TMC1: variants seen among roughly 807,000 people sequenced by gnomAD.
TMC1 encodes transmembrane channel like 1, also known as transmembrane channel-like protein 1.
TMC1 carries 84 observed loss-of-function variants against 105.8 expected under a neutral mutation model. That is an observed-to-expected ratio of 0.79 (90% CI 0.67 to 0.95). The LOEUF is 0.95. Ranked by LOEUF, TMC1 falls within the 40% of genes least tolerant of loss-of-function variation. The pLI is 0.00. For missense variants in TMC1, 817 were observed against 914.1 expected, an observed-to-expected ratio of 0.89 and a Z score of 1.37; for synonymous variants, 315 against 311.5, an observed-to-expected ratio of 1.01 and a Z score of -0.12.
rs1302396616 is a variant in TMC1, at chr9:72,820,964, C to A, written c.1886C>A (p.Ala629Asp). 1 of 1,614,182 alleles carries A rather than the reference C, an allele frequency of 6.2e-7. No individual in the cohort carries two copies. The highest frequency in any genetic ancestry group is 8.5e-7 in the Non-Finnish European group (1 of 1,180,034). The stretch of plus-strand genomic sequence containing the variant: ...GTTCCTGAGGCCAGGGTCTTCAAAG[C>A]TTCCAGATCAAATAACTTCTACCTG... ...CNVPEARVFK[A>D]SRSNNFYLGM... Residue 629 changes from alanine (A) to aspartate (D), a missense_variant, in exon 20 of 24, where the codon GCT becomes GAT. Transcript: ENST00000297784.
chr9:72,617,024 T>C (rs1438946026), intron 3 of TMC1, among the ~76,000 whole-genome samples: 1 of 152,238 alleles, frequency 6.6e-6, no homozygotes, highest in African/African-American at 2.4e-5. Flanking sequence ...TTTTGTATTA[T>C]GTATTTAAGC....
chr9:72,572,199 T>C (rs1373344448), intron 1 of TMC1, among the ~76,000 whole-genome samples: 1 of 151,644 alleles, frequency 6.6e-6, no homozygotes, highest in East Asian at 1.9e-4. Flanking sequence ...CTTTATTTTT[T>C]GATTTTTTTT....
intron 1 of TMC1, among the ~76,000 whole-genome samples, chr9:72,546,718 T>C (rs1227561761): frequency 6.6e-6 from 1 of 152,230 alleles, no homozygotes; most frequent in Non-Finnish European, 1.5e-5. Context: ...TTCTATCTCT[T>C]TGGAAGTTTG....
At chr9:72,548,800 A>G (rs150746624) in intron 1 of TMC1, among the ~76,000 whole-genome samples, 41 of 152,328 alleles carry the variant, frequency 2.7e-4, no homozygotes, top group East Asian at 2.1e-3. Flanking sequence ...AACCTGGGCA[A>G]CATAGTGAGA....
intron 17 of TMC1, among the ~76,000 whole-genome samples, chr9:72,798,010 A>G (rs1425455503): frequency 1.3e-5 from 2 of 152,206 alleles, no homozygotes; most frequent in Non-Finnish European, 2.9e-5. Flanking sequence ...AGGAAATTAA[A>G]CAAATTTACA....
intron 9 of TMC1, among the ~76,000 whole-genome samples, chr9:72,740,708 T>G (rs990713891): frequency 6.6e-6 from 1 of 152,198 alleles, no homozygotes; most frequent in East Asian, 1.9e-4. Context: ...CTGAATTGAA[T>G]TCTTTTATAA....
intron 7 of TMC1, among the ~76,000 whole-genome samples, chr9:72,699,655 A>G (rs2117862805): frequency 6.6e-6 from 1 of 152,266 alleles, no homozygotes; most frequent in East Asian, 1.9e-4. Context: ...TTGAGGCTCT[A>G]GACATAAAAG....
chr9:72,613,438 G>A lies in TMC1; in HGVS notation c.-305-2930G>A, dbSNP rs185125610. ...ACTGCTCCCAGCCCAGAAATTGATGGTTTCTTTAGCAATTTTGTCACCCAT... is the reference window on the plus strand; with the variant it reads ...ACTGCTCCCAGCCCAGAAATTGATGATTTCTTTAGCAATTTTGTCACCCAT... On this transcript the variant is annotated intron_variant, in intron 2 of 23. Transcript: ENST00000297784. Among the ~76,000 whole-genome samples, 233 of 152,080 alleles carry A rather than the reference G, an allele frequency of 1.5e-3. 2 individuals carry two copies. The highest frequency in any genetic ancestry group is 4.8e-3 in the African/African-American group (198 of 41,502).
chr9:72,549,999 C>A (rs1300659620), intron 1 of TMC1, among the ~76,000 whole-genome samples: 1 of 151,654 alleles, frequency 6.6e-6, no homozygotes, highest in Non-Finnish European at 1.5e-5. Context: ...CCACCTACCT[C>A]GGCTTCCCAA....
intron 10 of TMC1, among the ~76,000 whole-genome samples, chr9:72,745,655 A>C (rs1827478117): frequency 6.6e-6 from 1 of 152,148 alleles, no homozygotes; most frequent in Non-Finnish European, 1.5e-5. Flanking sequence ...ATATTATTAG[A>C]GCACTGGATT....
At chr9:72,671,746 T>C (rs1340234813) in intron 5 of TMC1, among the ~76,000 whole-genome samples, 1 of 152,194 alleles carries the variant, frequency 6.6e-6, no homozygotes. Context: ...ACTTTCATTC[T>C]TTAAATATTC....
chr9:72,678,142 T>C (rs760067397), intron 5 of TMC1, among the ~76,000 whole-genome samples: 2 of 152,132 alleles, frequency 1.3e-5, no homozygotes, highest in Non-Finnish European at 2.9e-5. Flanking sequence ...AAAGCAACCC[T>C]GGAGGTGGAA....
intron 13 of TMC1, among the ~76,000 whole-genome samples, chr9:72,787,050 T>C (rs1828179434): frequency 6.6e-6 from 1 of 152,094 alleles, no homozygotes; most frequent in African/African-American, 2.4e-5. Flanking sequence ...TGTATGGCTT[T>C]TCATACCTCA....
chr9:72,528,219 C>G (rs985968510), intron 1 of TMC1, among the ~76,000 whole-genome samples: 1 of 152,152 alleles, frequency 6.6e-6, no homozygotes, highest in African/African-American at 2.4e-5. Flanking sequence ...AAGGTGCTGT[C>G]TATGAGGAAG....
intron 18 of TMC1, chr9:72,809,054 AT>A (rs1408917861): frequency 1.3e-5 from 2 of 152,384 alleles, no homozygotes; most frequent in East Asian, 3.9e-4. Flanking sequence ...ATTCTTTGCT[AT>A]GAGGTATTCA....
At chr9:72,641,582 G>A (rs757996423) in intron 4 of TMC1, among the ~76,000 whole-genome samples, 2 of 152,108 alleles carry the variant, frequency 1.3e-5, no homozygotes, top group Non-Finnish European at 2.9e-5. Flanking sequence ...ATTTCCAGAT[G>A]GCAACAGTGG....
intron 8 of TMC1, among the ~76,000 whole-genome samples, chr9:72,726,260 TAA>T (rs1406198987): frequency 1.3e-5 from 2 of 152,210 alleles, no homozygotes; most frequent in Non-Finnish European, 2.9e-5. Context: ...TATATATGCA[TAA>T]GTTTACCTAT....
At chr9:72,656,175 G>A (rs918608067) in intron 5 of TMC1, 2 of 583,854 alleles carry the variant, frequency 3.4e-6, no homozygotes, top group Non-Finnish European at 6.6e-6. Context: ...GTGTTTTTCC[G>A]GTATCCTTAA....
intron 1 of TMC1, among the ~76,000 whole-genome samples, chr9:72,563,432 A>G (rs754158895): frequency 6.6e-6 from 1 of 152,204 alleles, no homozygotes; most frequent in Non-Finnish European, 1.5e-5. Flanking sequence ...GCAAGAGACA[A>G]TGAAAGCCAG....
Sources: gnomAD v4.1 joint callset for allele counts (sites outside exome capture counted in the v4.1 genomes callset) on GRCh38, gnomAD v4.1.1 for gene constraint, MANE v1.5 for transcripts, NCBI Gene and HGNC (gene_info 2026-07-23, HGNC 2026-07-21) for gene names.